AKAP6: variants seen among roughly 807,000 people sequenced by gnomAD.
AKAP6 encodes A-kinase anchoring protein 6, also known as A-kinase anchor protein 6.
In AKAP6, 58 loss-of-function variants were observed where a neutral mutation model predicts 188.5. The ratio of observed to expected loss-of-function variants is 0.31; its 90% confidence interval spans 0.25 to 0.38. The LOEUF is 0.38. AKAP6 is among the 10% of genes least tolerant of loss of function. AKAP6 has a pLI of 1.00. For synonymous variants in AKAP6, 989 were observed against 998.6 expected (o/e 0.99, Z 0.18); for missense variants, 2,710 against 2,740.0 (o/e 0.99, Z 0.24).
rs548779910 is a variant in AKAP6, at chr14:32,606,529, A to G, written c.2730+5737A>G. 3.3e-5 allele frequency among the ~76,000 whole-genome samples: 5 copies of G among 152,324 alleles called. No individual in the cohort carries two copies. In the South Asian group the frequency reaches 1.0e-3, roughly 32 times the overall value. ...CAACCTTACATCACTGAAAGCATGCAACAACAGTTCCTTCACCCTTTTTAA... is the reference window on the plus strand; with the variant it reads ...CAACCTTACATCACTGAAAGCATGCGACAACAGTTCCTTCACCCTTTTTAA... On this transcript the variant is annotated intron_variant, in intron 7 of 13. Coordinates refer to ENST00000280979, the MANE Select transcript of AKAP6 (RefSeq NM_004274.5).
chr14:32,400,153 C>T (rs1400409068), intron 1 of AKAP6, among the ~76,000 whole-genome samples: 1 of 151,990 alleles, frequency 6.6e-6, no homozygotes, highest in Non-Finnish European at 1.5e-5. Context: ...TATAAATTCT[C>T]AGGGGAAATT....
intron 2 of AKAP6, chr14:32,439,178 G>C (rs1890485263): frequency 6.6e-6 from 1 of 152,238 alleles, no homozygotes; most frequent in Admixed American, 6.5e-5. Flanking sequence ...CCCAGACTGA[G>C]ATGTCTGGGA....
chr14:32,433,763 A>G lies in AKAP6; in HGVS notation c.270A>G (p.Ser90=). 1.2e-6 allele frequency: 2 copies of G among 1,614,198 alleles called. No individual in the cohort carries two copies. The highest frequency in any genetic ancestry group is 1.7e-6 in the Non-Finnish European group (2 of 1,180,032). ...AGAGGGTCCGAGACCTAACCTATTC[A>G]GTCCAGCAGGATTCGGACAGCAAGC... is the stretch of plus-strand genomic sequence containing the variant. ...TSERVRDLTY[S]VQQDSDSKHV... The change falls in exon 2 of 14, where the codon TCA becomes TCG. Residue 90 remains serine (S), a synonymous_variant. Transcript: ENST00000280979.
chr14:32,459,043 G>A (rs1055805511), intron 2 of AKAP6, among the ~76,000 whole-genome samples: 2 of 152,036 alleles, frequency 1.3e-5, no homozygotes, highest in Non-Finnish European at 2.9e-5. Context: ...ACACTACTTG[G>A]CAATAAAAAT....
At chr14:32,507,839 G>A (rs1160643814) in intron 2 of AKAP6, among the ~76,000 whole-genome samples, 1 of 152,194 alleles carries the variant, frequency 6.6e-6, no homozygotes, top group African/African-American at 2.4e-5. Flanking sequence ...GCAAGAACCA[G>A]AATGAGTCAG....
chr14:32,713,138 C>T (rs1301651291), intron 9 of AKAP6, among the ~76,000 whole-genome samples: 2 of 152,032 alleles, frequency 1.3e-5, no homozygotes, highest in African/African-American at 4.8e-5. Flanking sequence ...TGACCCAGTG[C>T]ATTGTCAACG....
intron 9 of AKAP6, among the ~76,000 whole-genome samples, chr14:32,720,069 A>G (rs569246908): frequency 6.6e-6 from 1 of 152,330 alleles, no homozygotes; most frequent in South Asian, 2.1e-4. Flanking sequence ...TAATTCAGCT[A>G]TAAAGATATG....
chr14:32,430,888 C>T (rs889960101), intron 1 of AKAP6, among the ~76,000 whole-genome samples: 4 of 151,952 alleles, frequency 2.6e-5, no homozygotes, highest in African/African-American at 7.3e-5. Context: ...GGGCGGATCA[C>T]GAGGTCAGGA....
intron 1 of AKAP6, among the ~76,000 whole-genome samples, chr14:32,388,270 A>C (rs915960008): frequency 2.6e-5 from 4 of 151,792 alleles, no homozygotes; most frequent in African/African-American, 7.3e-5. Context: ...TGGTCTATTA[A>C]TTTTATTTGT....
rs1594882116 is a variant in AKAP6, at chr14:32,722,607, A to G, written c.3001-9847A>G. Among the ~76,000 whole-genome samples, 3 of 152,164 alleles carry G rather than the reference A, an allele frequency of 2.0e-5. No individual in the cohort carries two copies. The South Asian group carries it at 6.2e-4, about 32-fold the overall frequency. On this transcript the variant is annotated intron_variant, in intron 9 of 13. Transcript: ENST00000280979. ...CACTGGCAGAGCAGAGCAGTGCAGC[A>G]CAGAAGGAGAGAAGAGAAGTGTCTG...
intron 4 of AKAP6, among the ~76,000 whole-genome samples, chr14:32,558,847 C>T (rs748261806): frequency 1.1e-4 from 17 of 152,066 alleles, no homozygotes; most frequent in Admixed American, 6.5e-4. Flanking sequence ...CTTATGGATA[C>T]GACTTAGAAG....
chr14:32,764,695 T>TACACACAC (rs34290753), intron 11 of AKAP6, among the ~76,000 whole-genome samples: 51 of 148,452 alleles, frequency 3.4e-4, no homozygotes, highest in African/African-American at 1.3e-3. Flanking sequence ...ATGACAATAA[T>TACACACAC]ACACACACAC....
At chr14:32,510,938 C>T (rs1566547272) in intron 2 of AKAP6, among the ~76,000 whole-genome samples, 1 of 152,054 alleles carries the variant, frequency 6.6e-6, no homozygotes, top group Non-Finnish European at 1.5e-5. Flanking sequence ...TTTGCACCAA[C>T]CTGAAGGAAG....
At chr14:32,817,766 C>G (rs778144511) in intron 12 of AKAP6, among the ~76,000 whole-genome samples, 1 of 151,920 alleles carries the variant, frequency 6.6e-6, no homozygotes, top group African/African-American at 2.4e-5. Context: ...TAAAAAGTAC[C>G]AAATAGCTCC....
intron 4 of AKAP6, among the ~76,000 whole-genome samples, chr14:32,576,722 G>A (rs1374906013): frequency 2.0e-5 from 3 of 152,152 alleles, no homozygotes; most frequent in African/African-American, 7.2e-5. Context: ...GCCAATCCCT[G>A]TAAAGGATTT....
chr14:32,330,936 T>C lies in AKAP6; in HGVS notation c.-35+1528T>C, dbSNP rs140326031. On this transcript the variant is annotated intron_variant, in intron 1 of 13. Transcript: ENST00000280979. ...GCTTTATCGCAAGCACTTAGAAGCA[T>C]GAATTGTTCATTGCCTGCTTTTTTA... Among the ~76,000 whole-genome samples, 304 of 152,036 alleles carry C rather than the reference T, an allele frequency of 2.0e-3. 1 individual carries two copies. Among genetic ancestry groups the C allele is most frequent in the African/African-American group, 7.2e-3 (297 of 41,502 alleles).
At chr14:32,678,535 G>A in intron 8 of AKAP6, 76 bp downstream of exon 8, 2 of 1,555,272 alleles carry the variant, frequency 1.3e-6, no homozygotes, top group South Asian at 2.3e-5. Flanking sequence ...TAGGTGTTAG[G>A]AAGGTATTTC....
intron 2 of AKAP6, chr14:32,474,271 G>A (rs1878939163): frequency 6.6e-6 from 1 of 152,112 alleles, no homozygotes; most frequent in Non-Finnish European, 1.5e-5. Context: ...CTCAACACGT[G>A]TTTCGTTTTG....
chr14:32,348,194 G>A (rs980662006), intron 1 of AKAP6, among the ~76,000 whole-genome samples: 20 of 152,152 alleles, frequency 1.3e-4, no homozygotes, highest in Non-Finnish European at 1.8e-4. Context: ...AGGTACCATG[G>A]GATTTTAGAG....
Sources: allele counts gnomAD v4.1 joint callset (sites outside exome capture counted in the v4.1 genomes callset), GRCh38; gene constraint gnomAD v4.1.1; transcripts MANE v1.5; gene names NCBI Gene and HGNC (gene_info 2026-07-23, HGNC 2026-07-21).